CDH13: variants seen among roughly 807,000 people sequenced by gnomAD.
CDH13 encodes cadherin 13, also known as cadherin-13.
A neutral mutation model predicts 63.8 loss-of-function variants in CDH13; 24 were observed. The ratio of observed to expected loss-of-function variants is 0.38; its 90% confidence interval spans 0.27 to 0.53. CDH13 has a LOEUF of 0.53. CDH13 is among the 20% of genes least tolerant of loss of function. The pLI is 0.85. For synonymous variants in CDH13, 503 were observed against 355.3 expected, an observed-to-expected ratio of 1.42 and a Z score of -4.67; for missense variants, 1,049 against 903.1, an observed-to-expected ratio of 1.16 and a Z score of -2.07.
chr16:83,712,785 A>T (rs909880380), intron 10 of CDH13, among the ~76,000 whole-genome samples: 5 of 152,258 alleles, frequency 3.3e-5, no homozygotes, highest in Non-Finnish European at 1.5e-5. Context: ...TCGCCACACA[A>T]CATCATATCT....
intron 6 of CDH13, among the ~76,000 whole-genome samples, chr16:83,471,099 C>T (rs919743106): frequency 1.3e-5 from 2 of 152,068 alleles, no homozygotes; most frequent in Non-Finnish European, 2.9e-5. Context: ...CCATGTCTCT[C>T]TCTTACAAGG....
At chr16:83,120,997 C>T (rs191677326) in intron 3 of CDH13, among the ~76,000 whole-genome samples, 330 of 152,062 alleles carry the variant, frequency 2.2e-3, no homozygotes, top group Middle Eastern at 6.8e-3. Flanking sequence ...CTCCTGACCT[C>T]GTGATCCTCC....
At chr16:82,892,797 G>C (rs1398817228) in intron 2 of CDH13, among the ~76,000 whole-genome samples, 2 of 152,030 alleles carry the variant, frequency 1.3e-5, no homozygotes, top group African/African-American at 4.8e-5. Flanking sequence ...CATTCAGGCA[G>C]TTCTAGAAAT....
At chr16:83,346,247 G>C (rs1208934717) in intron 6 of CDH13, among the ~76,000 whole-genome samples, 1 of 152,170 alleles carries the variant, frequency 6.6e-6, no homozygotes, top group African/African-American at 2.4e-5. Flanking sequence ...GAGAGGGCAG[G>C]TGAAGGGAGG....
chr16:83,081,107 C>T (rs1466424190), intron 3 of CDH13, among the ~76,000 whole-genome samples: 2 of 151,724 alleles, frequency 1.3e-5, no homozygotes, highest in African/African-American at 2.4e-5. Context: ...TCTCGAACTC[C>T]CGACGTCAGG....
chr16:83,697,258 C>A (rs997730866), intron 10 of CDH13, among the ~76,000 whole-genome samples: 2 of 152,166 alleles, frequency 1.3e-5, no homozygotes, highest in East Asian at 1.9e-4. Context: ...TCAAACAAGG[C>A]CTTCTTTTGC....
chr16:83,567,785 TG>T (rs973589840), intron 7 of CDH13, among the ~76,000 whole-genome samples: 2 of 151,360 alleles, frequency 1.3e-5, no homozygotes, highest in African/African-American at 4.9e-5. Context: ...TTAGTAGAGA[TG>T]GGGTTTCACT....
At chr16:83,100,737 C>G (rs1196436715) in intron 3 of CDH13, among the ~76,000 whole-genome samples, 1 of 152,154 alleles carries the variant, frequency 6.6e-6, no homozygotes, top group African/African-American at 2.4e-5. Flanking sequence ...ATAGACTTGA[C>G]CATATGTTCG....
intron 2 of CDH13, among the ~76,000 whole-genome samples, chr16:82,914,707 G>A (rs1239450731): frequency 6.6e-6 from 1 of 152,222 alleles, no homozygotes; most frequent in East Asian, 1.9e-4. Flanking sequence ...CATGGGGCAG[G>A]TGAAATGGAA....
At chr16:82,888,529 C>T (rs376021560) in intron 2 of CDH13, among the ~76,000 whole-genome samples, 7 of 152,334 alleles carry the variant, frequency 4.6e-5, no homozygotes, top group African/African-American at 1.4e-4. Flanking sequence ...ATCTCCTGGT[C>T]GCCTGGACAG....
At chr16:82,997,715 G>T (rs112855747) in intron 2 of CDH13, among the ~76,000 whole-genome samples, 5 of 152,258 alleles carry the variant, frequency 3.3e-5, no homozygotes, top group African/African-American at 1.2e-4. Flanking sequence ...GAAAAGCTGG[G>T]ATTTGAGCTC....
At chr16:83,575,023 C>T (rs1904977237) in intron 7 of CDH13, among the ~76,000 whole-genome samples, 2 of 152,030 alleles carry the variant, frequency 1.3e-5, no homozygotes, top group African/African-American at 4.8e-5. Flanking sequence ...AATTCATAAA[C>T]AAAATGGGCC....
At chr16:83,396,128 T>C (rs1267640596) in intron 6 of CDH13, among the ~76,000 whole-genome samples, 1 of 152,210 alleles carries the variant, frequency 6.6e-6, no homozygotes, top group Non-Finnish European at 1.5e-5. Context: ...ATGATCTTAT[T>C]CCTTTTTATG....
intron 2 of CDH13, among the ~76,000 whole-genome samples, chr16:82,896,723 G>A (rs904894521): frequency 2.1e-5 from 3 of 145,718 alleles, no homozygotes; most frequent in South Asian, 2.3e-4. Flanking sequence ...AATAAGAGAC[G>A]AAAGAAAGAA....
intron 1 of CDH13, among the ~76,000 whole-genome samples, chr16:82,829,087 C>T (rs1365916027): frequency 6.6e-6 from 1 of 152,080 alleles, no homozygotes; most frequent in East Asian, 1.9e-4. Flanking sequence ...TAAGGGTGGT[C>T]CATGGAGACT....
chr16:83,765,598 A>G (rs947523761), intron 11 of CDH13, among the ~76,000 whole-genome samples: 2 of 152,022 alleles, frequency 1.3e-5, no homozygotes, highest in Non-Finnish European at 2.9e-5. Context: ...TTCTGAGATG[A>G]AATTGGCAAG....
intron 8 of CDH13, among the ~76,000 whole-genome samples, chr16:83,607,261 T>C (rs887840929): frequency 4.6e-5 from 7 of 151,852 alleles, no homozygotes; most frequent in Non-Finnish European, 8.8e-5. Flanking sequence ...CTACTAAAAA[T>C]ACAGAAAGAT....
chr16:83,513,471 C>G (rs1400712169), intron 7 of CDH13, among the ~76,000 whole-genome samples: 1 of 151,382 alleles, frequency 6.6e-6, no homozygotes, highest in African/African-American at 2.5e-5. Context: ...TTACCCTAGA[C>G]TGAATAATTT....
chr16:82,709,940 G>A (rs1401433236), intron 1 of CDH13, among the ~76,000 whole-genome samples: 1 of 152,012 alleles, frequency 6.6e-6, no homozygotes, highest in Non-Finnish European at 1.5e-5. Context: ...ATGAGGATGT[G>A]AGGTTGGATA....
Sources: gnomAD v4.1 joint callset for allele counts (sites outside exome capture counted in the v4.1 genomes callset) on GRCh38, gnomAD v4.1.1 for gene constraint, MANE v1.5 for transcripts, NCBI Gene and HGNC (gene_info 2026-07-23, HGNC 2026-07-21) for gene names.